PIWIL4: variants seen among roughly 807,000 people sequenced by gnomAD.
PIWIL4 encodes the protein piwi-like protein 4.
Under a neutral mutation model 100.9 loss-of-function variants are expected in PIWIL4, and 50 were observed. The observed-to-expected ratio is 0.50, with a 90% CI of 0.39 to 0.63. PIWIL4 has a LOEUF of 0.63. Ranked by LOEUF, PIWIL4 falls within the 20% of genes least tolerant of loss-of-function variation. PIWIL4 has a pLI of 0.00. For missense variants in PIWIL4, 887 were observed against 1,043.3 expected (o/e 0.85, Z 2.06); for synonymous variants, 342 against 367.5 (o/e 0.93, Z 0.79).
At chr11:94,583,326 C>A in intron 4 of PIWIL4, 122 bp from the exon 5 acceptor site, 1 of 1,070,790 alleles carries the variant, frequency 9.3e-7, no homozygotes, top group Non-Finnish European at 1.4e-6. Context: ...GATTATTACT[C>A]ATACTAACAC....
intron 12 of PIWIL4, among the ~76,000 whole-genome samples, chr11:94,603,546 C>T (rs1173354807): frequency 6.6e-6 from 1 of 152,180 alleles, no homozygotes; most frequent in Non-Finnish European, 1.5e-5. Flanking sequence ...AGCTGAATAT[C>T]TTGGTCTCAT....
chr11:94,602,503 T>C (rs1948656578), intron 12 of PIWIL4, among the ~76,000 whole-genome samples: 1 of 152,220 alleles, frequency 6.6e-6, no homozygotes, highest in Non-Finnish European at 1.5e-5. Context: ...CCATTTATTC[T>C]TAGAATGTTT....
rs1424669140 is a variant in PIWIL4 at position 94,621,270 on chromosome 11, A to C, written c.*278A>C. 9.0e-6 allele frequency: 3 copies of C among 333,282 alleles called. No individual in the cohort carries two copies. Among genetic ancestry groups the C allele is most frequent in the Non-Finnish European group, 1.7e-5 (3 of 181,440 alleles). The allele number at this position is 333,282 out of a possible 1,614,324, so 20.6% of individuals were successfully genotyped here. On this transcript the variant is annotated 3_prime_UTR_variant, in exon 20 of 20. Transcript: ENST00000299001. ...AGAATTCCACAGAGTTAAATATCTT[A>C]AGTTAAACACTTAAAATAAGTGTTT...
intron 2 of PIWIL4, among the ~76,000 whole-genome samples, chr11:94,574,641 C>T (rs2135239295): frequency 6.6e-6 from 1 of 152,218 alleles, no homozygotes; most frequent in Admixed American, 6.5e-5. Flanking sequence ...TCACCACGCC[C>T]AGCTGATTTT....
intron 11 of PIWIL4, among the ~76,000 whole-genome samples, chr11:94,600,802 C>T (rs187536254): frequency 1.5e-4 from 23 of 152,202 alleles, no homozygotes; most frequent in Non-Finnish European, 2.8e-4. Context: ...TACTCCCAGG[C>T]GTGCATTCTC....
intron 15 of PIWIL4, among the ~76,000 whole-genome samples, chr11:94,610,250 C>T (rs572389539): frequency 1.3e-5 from 2 of 152,044 alleles, no homozygotes; most frequent in Non-Finnish European, 2.9e-5. Flanking sequence ...GTATATCTCA[C>T]AATTTCTTTA....
At chr11:94,569,097 T>C (rs1275895569) in intron 2 of PIWIL4, among the ~76,000 whole-genome samples, 1 of 152,246 alleles carries the variant, frequency 6.6e-6, no homozygotes, top group Non-Finnish European at 1.5e-5. Flanking sequence ...TATGGTGTTA[T>C]ATACGAATAC....
At chr11:94,590,720 C>A (rs1948472209) in intron 8 of PIWIL4, among the ~76,000 whole-genome samples, 1 of 152,172 alleles carries the variant, frequency 6.6e-6, no homozygotes, top group Admixed American at 6.5e-5. Context: ...TCACTTGTCA[C>A]CAAGACGAGT....
At chr11:94,594,109 G>A (rs1405888970) in intron 9 of PIWIL4, among the ~76,000 whole-genome samples, 1 of 152,066 alleles carries the variant, frequency 6.6e-6, no homozygotes. Flanking sequence ...GACTTTCTAC[G>A]TTTTGCATTT....
Position 94,601,834 on chromosome 11 carries a change from C to T in PIWIL4, c.1420C>T (p.Arg474Ter), listed in dbSNP as rs1565279670. 10 of 1,613,902 alleles carry T rather than the reference C, an allele frequency of 6.2e-6. No individual in the cohort carries two copies. Among genetic ancestry groups the T allele is most frequent in the East Asian group, 2.2e-5 (1 of 44,890 alleles). The change falls in exon 12 of 20, where the codon CGA (arginine) becomes TGA (stop). Residue 474 changes from arginine to a stop codon, truncating the protein, a stop_gained. Coordinates refer to ENST00000299001, the MANE Select transcript of PIWIL4 (RefSeq NM_152431.3). LOFTEE classifies it high-confidence loss of function. ...VSAADWSKDI[R>*]TCKILNAQSL... Reference sequence around the variant, plus strand: ...TGCTGCTGACTGGTCCAAGGATATTCGAACTTGCAAGATTTTAAATGCACA... The same window carrying T: ...TGCTGCTGACTGGTCCAAGGATATTTGAACTTGCAAGATTTTAAATGCACA...
intron 13 of PIWIL4, among the ~76,000 whole-genome samples, chr11:94,604,422 T>C (rs944165931): frequency 6.6e-6 from 1 of 152,160 alleles, no homozygotes; most frequent in African/African-American, 2.4e-5. Context: ...GTTAGGTTTT[T>C]CCAAGTGACC....
At chr11:94,609,542 T>G (rs1948764210) in intron 15 of PIWIL4, among the ~76,000 whole-genome samples, 1 of 152,180 alleles carries the variant, frequency 6.6e-6, no homozygotes, top group Non-Finnish European at 1.5e-5. Context: ...ACACCATACT[T>G]GCATGCCTAC....
intron 7 of PIWIL4, among the ~76,000 whole-genome samples, chr11:94,588,560 G>A (rs1948437475): frequency 6.6e-6 from 1 of 152,184 alleles, no homozygotes; most frequent in South Asian, 2.1e-4. Context: ...CCCTAGGCTA[G>A]GTCATCCTGA....
At chr11:94,598,019 C>A in intron 11 of PIWIL4, 104 bp downstream of exon 11, 1 of 762,694 alleles carries the variant, frequency 1.3e-6, no homozygotes, top group Non-Finnish European at 2.2e-6. Flanking sequence ...TTTGGTTTGG[C>A]CATGTACTTC....
intron 7 of PIWIL4, 62 bp from the exon 8 acceptor site, chr11:94,589,059 G>A: frequency 8.5e-7 from 1 of 1,171,112 alleles, no homozygotes; most frequent in Admixed American, 1.9e-5. Context: ...TAAAAGTGTG[G>A]TGAAGTAGCT....
In PIWIL4 at chr11:94,587,066, G is replaced by A; in HGVS notation, c.733G>A (p.Gly245Arg). The change falls in exon 7 of 20, where the codon GGG becomes AGG. Residue 245 changes from glycine (G) to arginine (R), a missense_variant. Gly to Arg is a moderately radical substitution (Grantham distance 125). Around this residue, in one of 2 missense-constraint regions of PIWIL4, gnomAD observed 741 missense variants for 930.0 expected, o/e 0.80. Transcript: ENST00000299001. ...IPQHKLSLWPGFAISVSYFER... is the reference protein window; with the variant it reads ...IPQHKLSLWPRFAISVSYFER... ...TTTTTAAAGATTATCCCTTTGGCCT[G>A]GGTTTGCCATTTCTGTGTCATATTT... The A allele has an allele frequency of 1.2e-6, 2 of 1,612,016 alleles. No homozygotes were observed. Among genetic ancestry groups the A allele is most frequent in the South Asian group, 1.1e-5 (1 of 90,996 alleles).
intron 4 of PIWIL4, among the ~76,000 whole-genome samples, chr11:94,580,914 TG>T (rs67441011): frequency 0.15 from 18,368 of 125,442 alleles, 1,969 homozygotes; most frequent in Non-Finnish European, 0.19. Context: ...TTTTTTTTTT[TG>T]GAGAAGGAGT....
At chr11:94,577,610 A>C in intron 4 of PIWIL4, 118 bp downstream of exon 4, 1 of 861,876 alleles carries the variant, frequency 1.2e-6, no homozygotes, top group Non-Finnish European at 1.7e-6. Context: ...GAAAAATAGA[A>C]TTAAAAGGTA....
intron 13 of PIWIL4, among the ~76,000 whole-genome samples, chr11:94,605,288 C>G (rs945489557): frequency 6.6e-6 from 1 of 152,200 alleles, no homozygotes; most frequent in Non-Finnish European, 1.5e-5. Context: ...TGGAACAGCT[C>G]TTTAATTTTC....
Sources: allele counts gnomAD v4.1 joint callset (sites outside exome capture counted in the v4.1 genomes callset), GRCh38; gene constraint gnomAD v4.1.1; regional missense constraint gnomAD v4.1.1; transcripts MANE v1.5; gene names NCBI Gene and HGNC (gene_info 2026-07-23, HGNC 2026-07-21).